The following KITLG variants were observed in gnomAD, a reference collection of about 807,000 sequenced individuals.
The protein encoded by KITLG is KIT ligand.
Under a neutral mutation model 34.1 loss-of-function variants are expected in KITLG, and 13 were observed. That is an observed-to-expected ratio of 0.38 (90% CI 0.25 to 0.61). The LOEUF (loss-of-function observed/expected upper bound fraction) is 0.61. KITLG is among the 20% of genes least tolerant of loss of function. The pLI is 0.60. For synonymous variants in KITLG, 110 were observed against 104.0 expected (o/e 1.06, Z -0.35); for missense variants, 292 against 318.9 (o/e 0.92, Z 0.64).
rs1196898220 is a variant in KITLG at position 88,545,885 on chromosome 12, T to C, written c.16-20A>G. ...CCAAGTCTAAATGAAAACAGAAAAA[T>C]TGCTTGGTGATCATCAGTTAAGATC... On this transcript the variant is annotated intron_variant, in intron 1 of 9. Coordinates refer to ENST00000644744, the MANE Select transcript of KITLG (RefSeq NM_000899.5). 1 of 1,450,114 alleles carries C rather than the reference T, an allele frequency of 6.9e-7. No homozygotes were observed. The highest frequency in any genetic ancestry group is 9.7e-7 in the Non-Finnish European group (1 of 1,031,648). The allele number at this position is 1,450,114 out of a possible 1,614,324, so 89.8% of individuals were successfully genotyped here.
chr12:88,508,875 C>T (rs1476295026), intron 6 of KITLG, among the ~76,000 whole-genome samples: 1 of 152,100 alleles, frequency 6.6e-6, no homozygotes, highest in Non-Finnish European at 1.5e-5. Flanking sequence ...TGTAAGATTA[C>T]GTGGACTCGT....
rs1019195817 is a variant in KITLG at position 88,493,328 on chromosome 12, T to G, written c.*3891A>C. The G allele has an allele frequency of 6.6e-6, 1 of 152,218 alleles. No individual in the cohort carries two copies. Among genetic ancestry groups the G allele is most frequent in the African/African-American group, 2.4e-5 (1 of 41,402 alleles). The allele number at this position is 152,218 out of a possible 1,614,324, so 9.4% of individuals were successfully genotyped here. On this transcript the variant is annotated 3_prime_UTR_variant, in exon 10 of 10. Coordinates refer to ENST00000644744, the MANE Select transcript of KITLG (RefSeq NM_000899.5). ...ATAAATTTACAATGCTTAGTAAACATTTCAGGATCACAAATATCCATTTTA... is the reference window on the plus strand; with the variant it reads ...ATAAATTTACAATGCTTAGTAAACAGTTCAGGATCACAAATATCCATTTTA...
intron 1 of KITLG, among the ~76,000 whole-genome samples, chr12:88,567,812 CT>C (rs1382962810): frequency 6.6e-6 from 1 of 152,252 alleles, no homozygotes; most frequent in African/African-American, 2.4e-5. Context: ...GACTTAGACA[CT>C]ATTATAAACC....
At chr12:88,529,569 T>A (rs982618002) in intron 3 of KITLG, among the ~76,000 whole-genome samples, 3 of 152,140 alleles carry the variant, frequency 2.0e-5, no homozygotes, top group Non-Finnish European at 4.4e-5. Context: ...AAAATAAAAA[T>A]AAAAATAAAA....
At chr12:88,570,538 A>AAC (rs796864192) in intron 1 of KITLG, among the ~76,000 whole-genome samples, 7 of 18,014 alleles carry the variant, frequency 3.9e-4, no homozygotes, top group South Asian at 0.017. Flanking sequence ...CAACAACAAC[A>AAC]AAAAAAAAAC....
intron 1 of KITLG, among the ~76,000 whole-genome samples, chr12:88,554,270 AT>A (rs1351132655): frequency 1.3e-5 from 2 of 152,234 alleles, no homozygotes; most frequent in African/African-American, 2.4e-5. Context: ...AAACAAAAAA[AT>A]AAAATACAGA....
chr12:88,545,632 T>C, intron 2 of KITLG, 120 bp downstream of exon 2: 4 of 632,578 alleles, frequency 6.3e-6, no homozygotes, highest in Non-Finnish European at 1.1e-5. Context: ...AGTGATTACT[T>C]TCCCCACTTT....
chr12:88,529,568 A>T (rs1592848374), intron 3 of KITLG, among the ~76,000 whole-genome samples: 1 of 152,346 alleles, frequency 6.6e-6, no homozygotes, highest in Non-Finnish European at 1.5e-5. Flanking sequence ...CAAAATAAAA[A>T]TAAAAATAAA....
chr12:88,567,684 C>T (rs1181427947), intron 1 of KITLG, among the ~76,000 whole-genome samples: 1 of 152,144 alleles, frequency 6.6e-6, no homozygotes, highest in African/African-American at 2.4e-5. Flanking sequence ...AAACGAACAA[C>T]CTTTGAATGC....
intron 6 of KITLG, 57 bp from the exon 7 acceptor site, chr12:88,507,194 C>A: frequency 1.8e-6 from 2 of 1,102,896 alleles, no homozygotes; most frequent in Non-Finnish European, 2.8e-6. Flanking sequence ...AAGTTTTGCT[C>A]TTATGCTGTG....
At chr12:88,516,300 T>A in intron 5 of KITLG, 34 bp downstream of exon 5, 1 of 1,591,766 alleles carries the variant, frequency 6.3e-7, no homozygotes, top group Non-Finnish European at 8.6e-7. Flanking sequence ...AGTTTGTTGT[T>A]TACATTTGAA....
intron 1 of KITLG, among the ~76,000 whole-genome samples, chr12:88,550,049 G>C (rs561067290): frequency 3.3e-5 from 5 of 152,202 alleles, no homozygotes; most frequent in Admixed American, 6.5e-5. Flanking sequence ...ATATTAACAA[G>C]AGCAGTTTTA....
At chr12:88,535,652 A>G (rs1870287293) in intron 2 of KITLG, among the ~76,000 whole-genome samples, 1 of 152,050 alleles carries the variant, frequency 6.6e-6, no homozygotes, top group African/African-American at 2.4e-5. Context: ...AGTTGTAGAT[A>G]TTTGTGGTCG....
At chr12:88,565,063 C>G (rs189491857) in intron 1 of KITLG, among the ~76,000 whole-genome samples, 1 of 152,326 alleles carries the variant, frequency 6.6e-6, no homozygotes, top group Non-Finnish European at 1.5e-5. Flanking sequence ...TTAACCATAT[C>G]TGTTTTAAAT....
Position 88,545,731 on chromosome 12 carries a change from G to A in KITLG, c.129+21C>T, listed in dbSNP as rs139183425. On this transcript the variant is annotated intron_variant, in intron 2 of 9. Transcript: ENST00000644744. ...GCCACAGCTCTTTTTTACACAGCAC[G>A]GTAAAGCATTCCTTACTTACCAATT... 1,048 of 1,335,878 alleles carry A rather than the reference G, an allele frequency of 7.8e-4. 1 individual carries two copies. Among genetic ancestry groups the A allele is most frequent in the Admixed American group, 4.4e-3 (259 of 59,034 alleles). 82.8% of individuals were successfully genotyped at this position (1,335,878 alleles called of 1,614,324 possible).
chr12:88,536,329 A>G (rs947611433), intron 2 of KITLG, among the ~76,000 whole-genome samples: 14 of 152,174 alleles, frequency 9.2e-5, no homozygotes, highest in Admixed American at 9.2e-4. Flanking sequence ...GAGAAATGCA[A>G]ATCAAAACCA....
intron 2 of KITLG, among the ~76,000 whole-genome samples, chr12:88,538,633 A>C (rs1407204929): frequency 2.0e-5 from 3 of 152,132 alleles, no homozygotes; most frequent in Non-Finnish European, 4.4e-5. Flanking sequence ...GTTTACATGC[A>C]AACTGGAAAC....
In KITLG at chr12:88,497,174, T is replaced by C. The variant is rs1868672664; in HGVS notation, c.*45A>G. The C allele has an allele frequency of 2.2e-6, 1 of 448,116 alleles. No homozygotes were observed. The highest frequency in any genetic ancestry group is 4.5e-6 in the Non-Finnish European group (1 of 223,136). 27.8% of individuals were successfully genotyped at this position (448,116 alleles called of 1,614,324 possible). A position where few individuals can be genotyped will look rare whatever the true frequency, so the allele number is the denominator to read the frequency against. On this transcript the variant is annotated 3_prime_UTR_variant, in exon 10 of 10. Transcript: ENST00000644744. ...TCATTTATGAAGCAAACATGAACTGTTACCAGCCTAGAAAGGAAGGAAGAA... is the reference window on the plus strand; with the variant it reads ...TCATTTATGAAGCAAACATGAACTGCTACCAGCCTAGAAAGGAAGGAAGAA...
intron 1 of KITLG, 99 bp downstream of exon 1, chr12:88,580,165 A>C (rs1451405875): frequency 2.3e-6 from 3 of 1,292,942 alleles, no homozygotes; most frequent in South Asian, 1.3e-5. Flanking sequence ...ACAGCCCTGC[A>C]CGCCCCAGCT....
Sources: gnomAD v4.1 joint callset for allele counts (sites outside exome capture counted in the v4.1 genomes callset) on GRCh38, gnomAD v4.1.1 for gene constraint, MANE v1.5 for transcripts, NCBI Gene and HGNC (gene_info 2026-07-23, HGNC 2026-07-21) for gene names.